Variants in DENND6A observed in about 807,000 individuals in gnomAD.
DENND6A encodes protein DENND6A.
A neutral mutation model predicts 95.5 loss-of-function variants in DENND6A; 43 were observed. The observed-to-expected ratio is 0.45, with a 90% CI of 0.35 to 0.58. The LOEUF is 0.58. DENND6A is among the 20% of genes least tolerant of loss of function. The probability of loss-of-function intolerance (pLI) is 0.00; values close to 1 mark genes in which losing one functional copy is unlikely to be tolerated. For missense variants in DENND6A, 574 were observed against 736.0 expected, an observed-to-expected ratio of 0.78 and a Z score of 2.55; for synonymous variants, 257 against 260.4, an observed-to-expected ratio of 0.99 and a Z score of 0.13.
Position 57,641,662 on chromosome 3 carries a change from T to C in DENND6A, c.1123A>G (p.Lys375Glu). 6.2e-7 allele frequency: 1 copy of C among 1,611,952 alleles called. No homozygotes were observed. The highest frequency in any genetic ancestry group is 8.5e-7 in the Non-Finnish European group (1 of 1,178,822). The change falls in exon 12 of 20, where the codon AAA (lysine) becomes GAA (glutamate). Residue 375 changes from lysine (K) to glutamate (E), a missense_variant. Physicochemically the swap from Lys to Glu is moderately conservative, Grantham distance 56 (BLOSUM62 1). Around this residue, in one of 2 missense-constraint regions of DENND6A, gnomAD observed 452 missense variants for 630.9 expected, o/e 0.72. Transcript: ENST00000311128. ...WPHIIRIGDL[K>E]PTGEIPKQVK... The stretch of plus-strand genomic sequence containing the variant: ...CAAGTTTATACTTTACCTGTAGGTT[T>C]AAGGTCTCCTATTCGAATAATGTGT...
intron 5 of DENND6A, among the ~76,000 whole-genome samples, chr3:57,662,193 T>A (rs927201875): frequency 2.3e-5 from 3 of 130,576 alleles, no homozygotes; most frequent in African/African-American, 8.9e-5. Flanking sequence ...TTCTTTTTTT[T>A]TTTTTTTTTT....
At chr3:57,670,496 C>T (rs2153416308) in intron 3 of DENND6A, among the ~76,000 whole-genome samples, 1 of 152,256 alleles carries the variant, frequency 6.6e-6, no homozygotes, top group East Asian at 1.9e-4. Context: ...TAAGCTGGTA[C>T]CATCTCCAGT....
At chr3:57,630,887 C>T in intron 16 of DENND6A, 38 bp downstream of exon 16, 1 of 1,611,222 alleles carries the variant, frequency 6.2e-7, no homozygotes, top group Non-Finnish European at 8.5e-7. Context: ...AAGTTAATTA[C>T]AGTTAGAGGA....
At chr3:57,672,533 A>G in intron 1 of DENND6A, 95 bp from the exon 2 acceptor site, 1 of 1,320,008 alleles carries the variant, frequency 7.6e-7, no homozygotes, top group Non-Finnish European at 1.1e-6. Flanking sequence ...TGGTAATCCC[A>G]GCACTTTGGG....
intron 3 of DENND6A, among the ~76,000 whole-genome samples, chr3:57,669,313 T>C (rs1195848093): frequency 6.6e-6 from 1 of 152,204 alleles, no homozygotes; most frequent in Non-Finnish European, 1.5e-5. Context: ...GCAAAGTGCC[T>C]GCTTTCAGGT....
At chr3:57,659,231 G>T in intron 7 of DENND6A, 51 bp from the exon 8 acceptor site, 1 of 1,582,394 alleles carries the variant, frequency 6.3e-7, no homozygotes, top group South Asian at 1.1e-5. Context: ...TGGAGGATGA[G>T]AAGTGCTGTA....
chr3:57,687,816 T>G (rs1383522107), intron 1 of DENND6A, among the ~76,000 whole-genome samples: 5 of 151,250 alleles, frequency 3.3e-5, no homozygotes, highest in Non-Finnish European at 1.5e-5. Flanking sequence ...GCCTGCAGTA[T>G]CAGCTACCAG....
At chr3:57,678,201 T>A (rs773425156) in intron 1 of DENND6A, among the ~76,000 whole-genome samples, 1 of 152,222 alleles carries the variant, frequency 6.6e-6, no homozygotes, top group Non-Finnish European at 1.5e-5. Context: ...AGGATAAATA[T>A]AGATTTATAG....
intron 9 of DENND6A, among the ~76,000 whole-genome samples, chr3:57,653,654 G>A (rs1229281623): frequency 1.3e-5 from 2 of 151,220 alleles, no homozygotes; most frequent in African/African-American, 4.9e-5. Flanking sequence ...GCTGAGGCAG[G>A]AGAATTGCTT....
intron 12 of DENND6A, among the ~76,000 whole-genome samples, chr3:57,636,653 T>C (rs1220688661): frequency 6.6e-6 from 1 of 152,104 alleles, no homozygotes; most frequent in East Asian, 1.9e-4. Context: ...AGATAAAAAG[T>C]TGGCCGGGCG....
At chr3:57,691,317 A>G (rs900050547) in intron 1 of DENND6A, among the ~76,000 whole-genome samples, 3 of 152,224 alleles carry the variant, frequency 2.0e-5, no homozygotes, top group Non-Finnish European at 4.4e-5. Context: ...AAGATAAAGA[A>G]TTGCTCACAT....
intron 1 of DENND6A, among the ~76,000 whole-genome samples, chr3:57,685,080 A>ATTTTTTT (rs555883578): frequency 7.0e-6 from 1 of 142,502 alleles, no homozygotes; most frequent in Admixed American, 7.1e-5. Context: ...TGCCTGGCTA[A>ATTTTTTT]TTTTTTTTTT....
chr3:57,654,083 G>T (rs1264423062), intron 9 of DENND6A, among the ~76,000 whole-genome samples: 1 of 150,400 alleles, frequency 6.6e-6, no homozygotes, highest in Non-Finnish European at 1.5e-5. Context: ...AAGTAGCTGG[G>T]ACCACAGGTG....
At chr3:57,681,718 A>G (rs1424470124) in intron 1 of DENND6A, among the ~76,000 whole-genome samples, 2 of 152,150 alleles carry the variant, frequency 1.3e-5, no homozygotes, top group South Asian at 2.1e-4. Context: ...TATCCATACA[A>G]TGGTATATTA....
chr3:57,686,634 T>C (rs1209676470), intron 1 of DENND6A, among the ~76,000 whole-genome samples: 28 of 152,224 alleles, frequency 1.8e-4, no homozygotes, highest in African/African-American at 6.8e-4. Context: ...TTGTATCTGT[T>C]ACAGTGGTCT....
intron 3 of DENND6A, among the ~76,000 whole-genome samples, chr3:57,667,808 G>T (rs376377716): frequency 6.6e-6 from 1 of 152,180 alleles, no homozygotes; most frequent in Non-Finnish European, 1.5e-5. Context: ...GCTCACGCCC[G>T]TAATCCCAGC....
intron 9 of DENND6A, among the ~76,000 whole-genome samples, chr3:57,653,675 G>A (rs1457295708): frequency 6.6e-6 from 1 of 151,062 alleles, no homozygotes; most frequent in Non-Finnish European, 1.5e-5. Flanking sequence ...GAACCCAGGA[G>A]GCGGAGGTTG....
intron 18 of DENND6A, 56 bp from the exon 19 acceptor site, chr3:57,628,941 C>T: frequency 1.3e-6 from 2 of 1,482,860 alleles, no homozygotes; most frequent in Non-Finnish European, 9.2e-7. Flanking sequence ...TCAAACCTCT[C>T]TATTTCAATA....
At chr3:57,678,659 A>ATC (rs1559830032) in intron 1 of DENND6A, among the ~76,000 whole-genome samples, 3 of 152,206 alleles carry the variant, frequency 2.0e-5, no homozygotes, top group African/African-American at 7.2e-5. Context: ...AACACAAGAG[A>ATC]TCTCTCTCTC....
Sources: allele counts gnomAD v4.1 joint callset (sites outside exome capture counted in the v4.1 genomes callset), GRCh38; gene constraint gnomAD v4.1.1; regional missense constraint gnomAD v4.1.1; transcripts MANE v1.5; gene names NCBI Gene and HGNC (gene_info 2026-07-23, HGNC 2026-07-21).